Variants in GNG2 observed in about 807,000 individuals in gnomAD.
GNG2 encodes the protein guanine nucleotide-binding protein G(I)/G(S)/G(O) subunit gamma-2.
GNG2 carries 5 observed loss-of-function variants against 5.5 expected under a neutral mutation model. The ratio of observed to expected loss-of-function variants is 0.91; its 90% CI spans 0.48 to 1.92. GNG2 has a LOEUF of 1.92. Ranked by LOEUF, GNG2 falls within the 30% of genes most tolerant of loss-of-function variation. The pLI, the probability that GNG2 is intolerant of heterozygous loss-of-function variation, is 0.01. For synonymous variants in GNG2, 28 were observed against 32.0 expected (o/e 0.88, Z 0.42); for missense variants, 55 against 88.4 (o/e 0.62, Z 1.52).
At chr14:51,942,495 T>C (rs1888374369) in intron 2 of GNG2, among the ~76,000 whole-genome samples, 1 of 152,028 alleles carries the variant, frequency 6.6e-6, no homozygotes, top group African/African-American at 2.4e-5. Flanking sequence ...CCACTGCCAG[T>C]GAGTCCAGTA....
At chr14:51,869,783 G>A (rs944560612) in intron 1 of GNG2, among the ~76,000 whole-genome samples, 1 of 152,196 alleles carries the variant, frequency 6.6e-6, no homozygotes, top group Admixed American at 6.5e-5. Context: ...AAAGTGCTGG[G>A]ATTACAGGCC....
chr14:51,908,076 G>A (rs1467126358), intron 2 of GNG2, among the ~76,000 whole-genome samples: 3 of 152,196 alleles, frequency 2.0e-5, no homozygotes, highest in Non-Finnish European at 4.4e-5. Context: ...TCTGGCTCAG[G>A]CGCCCTCACA....
rs1163712744 is a variant in GNG2 at position 51,923,497 on chromosome 14, A to ATG, written c.-29-27143_-29-27142dup. Among the ~76,000 whole-genome samples, 5 of 151,686 alleles carry ATG rather than the reference A, an allele frequency of 3.3e-5. No individual in the cohort carries two copies. In the South Asian group the frequency reaches 8.3e-4, roughly 25 times the overall value. On this transcript the variant is annotated intron_variant, in intron 2 of 3. Transcript: ENST00000556766. ...ATATTCTGTATTGGCAAATATATGTATGTGTGTGTGTATGTGTATATATAT... is the reference window on the plus strand; with the variant it reads ...ATATTCTGTATTGGCAAATATATGTATGTGTGTGTGTGTATGTGTATATATAT...
intron 2 of GNG2, among the ~76,000 whole-genome samples, chr14:51,878,519 G>T (rs1017077904): frequency 6.6e-6 from 1 of 152,006 alleles, no homozygotes; most frequent in Admixed American, 6.6e-5. Flanking sequence ...ACTGTTTAGG[G>T]GATACAGCAA....
chr14:51,968,994 A>G lies in GNG2; in HGVS notation c.*2307A>G, dbSNP rs1338165138. ...ATAATTTTATGTCTTACAGTATGGA[A>G]TTATAATACGAAAATCTTTATATGA... is the stretch of plus-strand genomic sequence containing the variant. On this transcript the variant is annotated 3_prime_UTR_variant, in exon 4 of 4. Coordinates refer to ENST00000556766, the MANE Select transcript of GNG2 (RefSeq NM_053064.5). 2 of 152,194 alleles carry G rather than the reference A, an allele frequency of 1.3e-5. No homozygotes were observed. Among genetic ancestry groups the G allele is most frequent in the Non-Finnish European group, 2.9e-5 (2 of 68,020 alleles). 9.4% of individuals were successfully genotyped at this position (152,194 alleles called of 1,614,324 possible).
chr14:51,867,111 C>T (rs1882948480), intron 1 of GNG2, among the ~76,000 whole-genome samples: 1 of 152,218 alleles, frequency 6.6e-6, no homozygotes, highest in South Asian at 2.1e-4. Context: ...CAAATCTCCT[C>T]CTACCTCTCT....
intron 2 of GNG2, chr14:51,913,974 A>G: frequency 2.0e-6 from 1 of 490,820 alleles, no homozygotes; most frequent in South Asian, 3.1e-5. Flanking sequence ...TATATGAAAA[A>G]CAATGGGAAG....
intron 2 of GNG2, among the ~76,000 whole-genome samples, chr14:51,908,071 C>CCT (rs1886043039): frequency 1.3e-5 from 2 of 152,176 alleles, no homozygotes; most frequent in African/African-American, 4.8e-5. Context: ...ATGGTTCTGG[C>CCT]TCAGGCGCCC....
At chr14:51,868,194 G>A (rs1304932922) in intron 1 of GNG2, among the ~76,000 whole-genome samples, 1 of 152,192 alleles carries the variant, frequency 6.6e-6, no homozygotes, top group Non-Finnish European at 1.5e-5. Flanking sequence ...AGATGCCAGG[G>A]AGACTAGGAT....
chr14:51,890,103 C>T (rs1365603297), intron 2 of GNG2, among the ~76,000 whole-genome samples: 2 of 152,154 alleles, frequency 1.3e-5, no homozygotes, highest in Non-Finnish European at 2.9e-5. Flanking sequence ...ATGGGTACAA[C>T]TTTGGTTTCA....
intron 2 of GNG2, among the ~76,000 whole-genome samples, chr14:51,941,909 G>A (rs972018796): frequency 6.6e-6 from 1 of 152,180 alleles, no homozygotes; most frequent in African/African-American, 2.4e-5. Context: ...TTATTCTTCA[G>A]TCTGGAATTC....
At chr14:51,896,651 T>C (rs1885211230) in intron 2 of GNG2, among the ~76,000 whole-genome samples, 1 of 152,232 alleles carries the variant, frequency 6.6e-6, no homozygotes, top group Non-Finnish European at 1.5e-5. Flanking sequence ...GTGTGCAGAT[T>C]TGATTTACAT....
intron 2 of GNG2, chr14:51,918,698 A>C (rs1054154755): frequency 6.6e-6 from 1 of 152,240 alleles, no homozygotes; most frequent in African/African-American, 2.4e-5. Context: ...TTAGGCACAA[A>C]ATAAACTACG....
At chr14:51,903,160 T>C (rs1338795275) in intron 2 of GNG2, among the ~76,000 whole-genome samples, 1 of 152,180 alleles carries the variant, frequency 6.6e-6, no homozygotes, top group Non-Finnish European at 1.5e-5. Context: ...TACCCAATAG[T>C]TCAGTGAAAT....
chr14:51,865,657 A>G (rs1882828253), intron 1 of GNG2, among the ~76,000 whole-genome samples: 1 of 152,126 alleles, frequency 6.6e-6, no homozygotes, highest in African/African-American at 2.4e-5. Flanking sequence ...TATTAGGGCA[A>G]AGTCTTTATA....
intron 2 of GNG2, among the ~76,000 whole-genome samples, chr14:51,906,504 T>C (rs1345139780): frequency 6.6e-6 from 1 of 152,182 alleles, no homozygotes; most frequent in Non-Finnish European, 1.5e-5. Flanking sequence ...TAACCTTGCA[T>C]TGGCATCTCT....
chr14:51,951,748 A>G (rs1888987863), intron 3 of GNG2: 2 of 588,204 alleles, frequency 3.4e-6, no homozygotes, highest in African/African-American at 3.8e-5. Context: ...GCCTATGTTT[A>G]TAAAGAAAGT....
chr14:51,941,063 A>G (rs899210633), intron 2 of GNG2, among the ~76,000 whole-genome samples: 7 of 151,998 alleles, frequency 4.6e-5, no homozygotes, highest in African/African-American at 9.7e-5. Flanking sequence ...GTGTATATAT[A>G]CATCATTTAG....
chr14:51,891,829 C>T (rs1302059001), intron 2 of GNG2, among the ~76,000 whole-genome samples: 1 of 152,212 alleles, frequency 6.6e-6, no homozygotes, highest in East Asian at 1.9e-4. Context: ...TCATTCTACA[C>T]ATGTTGGGCA....
Sources: allele counts gnomAD v4.1 joint callset (sites outside exome capture counted in the v4.1 genomes callset), GRCh38; gene constraint gnomAD v4.1.1; transcripts MANE v1.5; gene names NCBI Gene and HGNC (gene_info 2026-07-23, HGNC 2026-07-21).